The following GAB4 variants were observed in gnomAD, a reference collection of about 807,000 sequenced individuals.
GAB4 encodes GRB2 associated binding protein family member 4.
GAB4 carries 26 observed loss-of-function variants against 51.3 expected under a neutral mutation model. The ratio of observed to expected loss-of-function variants is 0.51; its 90% CI spans 0.37 to 0.70. The LOEUF (loss-of-function observed/expected upper bound fraction) is 0.70, where lower values mean the gene tolerates loss of function less well. Among genes scored for constraint, GAB4 ranks in the 30% least tolerant of loss-of-function variants. The pLI, the probability that GAB4 is intolerant of heterozygous loss-of-function variation, is 0.00. For missense variants in GAB4, 759 were observed against 734.6 expected, an observed-to-expected ratio of 1.03 and a Z score of -0.38; for synonymous variants, 329 against 291.2, an observed-to-expected ratio of 1.13 and a Z score of -1.32.
chr22:16,980,288 T>C (rs1569099676), intron 3 of GAB4, among the ~76,000 whole-genome samples: 1 of 152,164 alleles, frequency 6.6e-6, no homozygotes, highest in Admixed American at 6.5e-5. Flanking sequence ...ATCCAGAATC[T>C]ACAAGGAACT....
chr22:16,981,659 G>A (rs148507973), intron 3 of GAB4, among the ~76,000 whole-genome samples: 12 of 152,168 alleles, frequency 7.9e-5, no homozygotes, highest in East Asian at 5.8e-4. Flanking sequence ...CCCAAGACCC[G>A]ATGGCTTCCC....
At chr22:16,971,858 C>T (rs1279260320) in intron 3 of GAB4, among the ~76,000 whole-genome samples, 1 of 151,744 alleles carries the variant, frequency 6.6e-6, no homozygotes, top group East Asian at 1.9e-4. Context: ...CCAACATGGG[C>T]CACCGAGCTT....
intron 3 of GAB4, among the ~76,000 whole-genome samples, chr22:16,984,024 G>A (rs1477295005): frequency 3.9e-5 from 6 of 152,082 alleles, no homozygotes; most frequent in South Asian, 2.1e-4. Flanking sequence ...AACAATCTAC[G>A]CAATAGGAGA....
At chr22:16,963,938 G>A (rs2060650446) in intron 8 of GAB4, 109 bp from the exon 9 acceptor site, 2 of 763,218 alleles carry the variant, frequency 2.6e-6, no homozygotes, top group South Asian at 1.6e-5. Context: ...CCTACTCTGA[G>A]CCATGCACTG....
chr22:16,991,197 CTGGGTAACTCACT>C (rs939936253), intron 2 of GAB4, among the ~76,000 whole-genome samples: 2 of 151,780 alleles, frequency 1.3e-5, no homozygotes, highest in African/African-American at 4.8e-5. Context: ...CAAGAGATTC[CTGGGTAACTCACT>C]TGGCACAGGT....
chr22:16,999,691 T>C (rs912043021), intron 1 of GAB4, among the ~76,000 whole-genome samples: 2 of 152,248 alleles, frequency 1.3e-5, no homozygotes, highest in Admixed American at 6.5e-5. Flanking sequence ...AGCTTTGGAA[T>C]GTGTTTGCTC....
rs115391089 is a variant in GAB4, at chr22:16,971,087, G to A, written c.687-894C>T. Among the ~76,000 whole-genome samples, 503 of 152,220 alleles carry A rather than the reference G, an allele frequency of 3.3e-3. 7 individuals carry two copies. Among genetic ancestry groups the A allele is most frequent in the African/African-American group, 0.012 (481 of 41,534 alleles). On this transcript the variant is annotated intron_variant, in intron 3 of 9. Coordinates refer to ENST00000400588, the MANE Select transcript of GAB4 (RefSeq NM_001037814.1). The stretch of plus-strand genomic sequence containing the variant: ...GTGATGTAGTCCCAGTTACTTGGTT[G>A]GGAGGCTGAGGTGGGAGTATGGCTT...
intron 4 of GAB4, 38 bp from the exon 5 acceptor site, chr22:16,968,421 G>A (rs1302372692): frequency 1.3e-6 from 2 of 1,489,998 alleles, no homozygotes; most frequent in African/African-American, 2.8e-5. Context: ...CATCACAGCT[G>A]ATCCATGTGT....
rs756469923 is a variant in GAB4 at position 16,966,282 on chromosome 22, A to G, written c.1106T>C (p.Leu369Pro). The change falls in exon 6 of 10, where the codon CTG becomes CCG. Residue 369 changes from leucine (L) to proline (P), a missense_variant. Physicochemically the swap from Leu to Pro is moderately conservative, Grantham distance 98. Coordinates refer to ENST00000400588, the MANE Select transcript of GAB4 (RefSeq NM_001037814.1). Reference protein sequence around the residue: ...CVPMNPGSPTLPAVKQAGDDS... With the variant: ...CVPMNPGSPTPPAVKQAGDDS... ...ATCGCCTGCTTGCTTCACAGCCGGC[A>G]GGGTAGGGGAGCCTGGGTTCATGGG... is the stretch of plus-strand genomic sequence containing the variant. The G allele has an allele frequency of 1.2e-5, 20 of 1,613,770 alleles. No individual in the cohort carries two copies. The African/African-American group carries it at 2.4e-4, about 19-fold the overall frequency.
At chr22:16,991,487 TC>T (rs2060913554) in intron 2 of GAB4, among the ~76,000 whole-genome samples, 1 of 152,102 alleles carries the variant, frequency 6.6e-6, no homozygotes, top group Admixed American at 6.5e-5. Context: ...CTCTCACCTG[TC>T]CCCTCCTAAG....
intron 1 of GAB4, among the ~76,000 whole-genome samples, chr22:16,992,814 T>C (rs539198313): frequency 2.8e-4 from 42 of 152,236 alleles, no homozygotes; most frequent in Middle Eastern, 3.4e-3. Context: ...CTCTAATTCC[T>C]GAGCTTAGGT....
At chr22:16,991,328 A>T (rs78024195) in intron 2 of GAB4, among the ~76,000 whole-genome samples, 1 of 151,660 alleles carries the variant, frequency 6.6e-6, no homozygotes, top group Non-Finnish European at 1.5e-5. Flanking sequence ...AAAAAAAAAA[A>T]GCCTGCTGCT....
chr22:16,971,085 T>C (rs1389469720), intron 3 of GAB4, among the ~76,000 whole-genome samples: 2 of 150,796 alleles, frequency 1.3e-5, no homozygotes, highest in Non-Finnish European at 2.9e-5. Flanking sequence ...AGTTACTTGG[T>C]TGGGAGGCTG....
At chr22:16,972,259 C>T (rs1337382132) in intron 3 of GAB4, among the ~76,000 whole-genome samples, 1 of 152,202 alleles carries the variant, frequency 6.6e-6, no homozygotes, top group East Asian at 1.9e-4. Flanking sequence ...CACACGGCTG[C>T]AGACAGATCT....
At chr22:16,988,563 G>A (rs1050002304) in intron 2 of GAB4, among the ~76,000 whole-genome samples, 4 of 152,222 alleles carry the variant, frequency 2.6e-5, no homozygotes, top group South Asian at 2.1e-4. Flanking sequence ...TGGGTGAAGC[G>A]AGGCTTGCCA....
intron 3 of GAB4, among the ~76,000 whole-genome samples, chr22:16,973,458 C>T (rs963816590): frequency 1.3e-5 from 2 of 152,182 alleles, no homozygotes; most frequent in African/African-American, 4.8e-5. Flanking sequence ...TTAAACCCCA[C>T]TTTCTTATGT....
intron 1 of GAB4, among the ~76,000 whole-genome samples, chr22:17,001,326 C>T (rs1345316748): frequency 1.3e-5 from 2 of 152,154 alleles, no homozygotes; most frequent in Non-Finnish European, 2.9e-5. Flanking sequence ...TTCTTGGATG[C>T]TTTGTTTGTT....
rs1156915700 is a variant in GAB4 at position 17,008,006 on chromosome 22, T to G, written c.109A>C (p.Ser37Arg). 1 of 1,612,330 alleles carries G rather than the reference T, an allele frequency of 6.2e-7. No individual in the cohort carries two copies. The highest frequency in any genetic ancestry group is 1.1e-5 in the South Asian group (1 of 90,630). The part of the protein sequence containing the change: ...GSGPAGGSTR[S>R]GHVLYSGWLR... ...CAGCCGCTGTACAGCACGTGGCCAC[T>G]TCTCGTGCTTCCGCCGGCGGGGCCA... Residue 37 changes from serine to arginine, a missense_variant, in exon 1 of 10, where the codon AGT (serine) becomes CGT (arginine). Ser to Arg is a moderately radical substitution (Grantham distance 110). Around this residue, in one of 3 missense-constraint regions of GAB4, gnomAD observed 83 missense variants for 73.1 expected, o/e 1.14. Transcript: ENST00000400588.
At chr22:16,970,340 T>C in intron 3 of GAB4, 147 bp from the exon 4 acceptor site, 1 of 852,170 alleles carries the variant, frequency 1.2e-6, no homozygotes, top group Admixed American at 2.7e-5. Flanking sequence ...GAGGTTTGTC[T>C]AGTTTGGGAG....
Sources: gnomAD v4.1 joint callset for allele counts (sites outside exome capture counted in the v4.1 genomes callset) on GRCh38, gnomAD v4.1.1 for gene constraint, gnomAD v4.1.1 regional missense constraint, MANE v1.5 for transcripts, NCBI Gene and HGNC (gene_info 2026-07-23, HGNC 2026-07-21) for gene names.